PLCB1: variants seen among roughly 807,000 people sequenced by gnomAD.
PLCB1 encodes phospholipase C beta 1.
Under a neutral mutation model 161.8 loss-of-function variants are expected in PLCB1, and 46 were observed. The observed-to-expected ratio is 0.28, with a 90% CI of 0.22 to 0.36. PLCB1 has a LOEUF of 0.36. Ranked by LOEUF, PLCB1 falls within the 10% of genes least tolerant of loss-of-function variation. The probability of loss-of-function intolerance (pLI) is 1.00; values close to 1 mark genes in which losing one functional copy is unlikely to be tolerated. For synonymous variants in PLCB1, 517 were observed against 503.7 expected, an observed-to-expected ratio of 1.03 and a Z score of -0.35; for missense variants, 1,016 against 1,472.5, an observed-to-expected ratio of 0.69 and a Z score of 5.07.
intron 9 of PLCB1, among the ~76,000 whole-genome samples, chr20:8,684,034 C>T (rs1253124790): frequency 6.6e-6 from 1 of 151,320 alleles, no homozygotes; most frequent in Non-Finnish European, 1.5e-5. Flanking sequence ...CAGGCACCCG[C>T]CACCACACCC....
intron 2 of PLCB1, among the ~76,000 whole-genome samples, chr20:8,298,779 A>C (rs756742107): frequency 1.3e-5 from 2 of 152,188 alleles, no homozygotes; most frequent in Non-Finnish European, 2.9e-5. Flanking sequence ...CATTTCTTCT[A>C]TTCAAATCTC....
intron 3 of PLCB1, among the ~76,000 whole-genome samples, chr20:8,372,500 T>C (rs908725367): frequency 3.1e-5 from 4 of 129,610 alleles, no homozygotes; most frequent in Non-Finnish European, 7.1e-5. Flanking sequence ...AAATGATCTA[T>C]GGTAAAATGT....
intron 2 of PLCB1, among the ~76,000 whole-genome samples, chr20:8,220,029 AAATG>A (rs1979324382): frequency 6.6e-6 from 1 of 152,206 alleles, no homozygotes; most frequent in Admixed American, 6.5e-5. Flanking sequence ...CATCTTTGAT[AAATG>A]AATGAGCCCT....
chr20:8,182,935 TTAAC>T (rs1325135044), intron 2 of PLCB1, among the ~76,000 whole-genome samples: 9 of 152,148 alleles, frequency 5.9e-5, no homozygotes, highest in South Asian at 4.2e-4. Flanking sequence ...CTCTATATCC[TTAAC>T]TAACTATTAG....
chr20:8,170,389 A>G (rs1040560343), intron 2 of PLCB1, among the ~76,000 whole-genome samples: 2 of 152,200 alleles, frequency 1.3e-5, no homozygotes, highest in East Asian at 1.9e-4. Context: ...ACTGAAAAAT[A>G]TAACTCGAGT....
intron 2 of PLCB1, among the ~76,000 whole-genome samples, chr20:8,294,906 A>C (rs1467812970): frequency 6.6e-6 from 1 of 152,094 alleles, no homozygotes; most frequent in East Asian, 1.9e-4. Context: ...CTAGTGGTAT[A>C]GTCCCACACT....
chr20:8,162,178 A>G (rs1312065732), intron 2 of PLCB1, among the ~76,000 whole-genome samples: 1 of 152,148 alleles, frequency 6.6e-6, no homozygotes, highest in Non-Finnish European at 1.5e-5. Flanking sequence ...TGTTTGTTTT[A>G]TCGTTACCAA....
intron 31 of PLCB1, among the ~76,000 whole-genome samples, chr20:8,853,470 C>T (rs964525380): frequency 2.6e-5 from 4 of 152,194 alleles, no homozygotes; most frequent in African/African-American, 9.7e-5. Flanking sequence ...AACAGTCATA[C>T]AGTCTATAGT....
chr20:8,811,801 G>C (rs1395056330), intron 31 of PLCB1, among the ~76,000 whole-genome samples: 1 of 152,072 alleles, frequency 6.6e-6, no homozygotes, highest in Non-Finnish European at 1.5e-5. Flanking sequence ...AGACCAAGAG[G>C]CTTCACATGT....
chr20:8,667,872 C>T (rs879939653), intron 9 of PLCB1, among the ~76,000 whole-genome samples: 1 of 152,046 alleles, frequency 6.6e-6, no homozygotes, highest in African/African-American at 2.4e-5. Flanking sequence ...GCTTCTTTCC[C>T]CCTAGATGTG....
chr20:8,665,710 A>G (rs924800589), intron 9 of PLCB1, among the ~76,000 whole-genome samples: 8 of 152,176 alleles, frequency 5.3e-5, no homozygotes, highest in Non-Finnish European at 1.0e-4. Flanking sequence ...TTTTTGAATC[A>G]TATTTTTCCA....
At chr20:8,537,266 C>T (rs139203025) in intron 3 of PLCB1, among the ~76,000 whole-genome samples, 107 of 152,270 alleles carry the variant, frequency 7.0e-4, no homozygotes, top group Middle Eastern at 3.4e-3. Context: ...TGTTTGATCC[C>T]GGACTTACAG....
chr20:8,294,787 G>T (rs1983554743), intron 2 of PLCB1, among the ~76,000 whole-genome samples: 1 of 151,520 alleles, frequency 6.6e-6, no homozygotes, highest in African/African-American at 2.4e-5. Context: ...CACTTTTAGG[G>T]ATATACCCTG....
chr20:8,681,072 GTA>G (rs1990196739), intron 9 of PLCB1, among the ~76,000 whole-genome samples: 1 of 79,200 alleles, frequency 1.3e-5, no homozygotes, highest in Non-Finnish European at 2.5e-5. Context: ...ATATATGTGT[GTA>G]TATGTGTGTG....
chr20:8,864,856 TC>T (rs1485425385), intron 31 of PLCB1, among the ~76,000 whole-genome samples: 4 of 152,164 alleles, frequency 2.6e-5, no homozygotes, highest in African/African-American at 9.7e-5. Flanking sequence ...TGGCTTTTAA[TC>T]TCCTAGGTTG....
In PLCB1 at chr20:8,737,182, T is replaced by C; in HGVS notation, c.2198T>C (p.Val733Ala). The C allele has an allele frequency of 6.2e-7, 1 of 1,613,364 alleles. No individual in the cohort carries two copies. Residue 733 changes from valine (V) to alanine (A), a missense_variant, in exon 20 of 32, where the codon GTG becomes GCG. This residue lies in a region of PLCB1 where 75 missense variants were observed against 117.0 expected (regional missense o/e 0.64). Transcript: ENST00000338037. The stretch of plus-strand genomic sequence containing the variant: ...CCTGTCTGGGAAGAAGAACCTATTG[T>C]GTTCAAAAAGGTTGGTCACATGTTC... ...VNPVWEEEPIVFKKVVLPTLA... is the reference protein window; with the variant it reads ...VNPVWEEEPIAFKKVVLPTLA...
At chr20:8,207,899 T>G (rs975212195) in intron 2 of PLCB1, among the ~76,000 whole-genome samples, 1 of 152,180 alleles carries the variant, frequency 6.6e-6, no homozygotes, top group Non-Finnish European at 1.5e-5. Context: ...TTTCAATAAC[T>G]GCCTCCTTTC....
chr20:8,452,655 G>A (rs576500719), intron 3 of PLCB1, among the ~76,000 whole-genome samples: 4 of 152,160 alleles, frequency 2.6e-5, no homozygotes, highest in African/African-American at 4.8e-5. Context: ...TATTAATAGC[G>A]CTCAGTGATC....
chr20:8,133,259 AAC>A (rs1353867868), intron 1 of PLCB1, among the ~76,000 whole-genome samples: 1 of 152,170 alleles, frequency 6.6e-6, no homozygotes, highest in African/African-American at 2.4e-5. Context: ...CGGAGGACAC[AAC>A]GGTCCAGCCA....
Sources: gnomAD v4.1 joint callset for allele counts (sites outside exome capture counted in the v4.1 genomes callset) on GRCh38, gnomAD v4.1.1 for gene constraint, gnomAD v4.1.1 regional missense constraint, MANE v1.5 for transcripts, NCBI Gene and HGNC (gene_info 2026-07-23, HGNC 2026-07-21) for gene names.